Variants in PCNX1 observed in about 807,000 individuals in gnomAD.
PCNX1 encodes the protein pecanex-like protein 1.
Under a neutral mutation model 242.2 loss-of-function variants are expected in PCNX1, and 78 were observed. That is an observed-to-expected ratio of 0.32 (90% CI 0.27 to 0.39). PCNX1 has a LOEUF of 0.39. PCNX1 is among the 10% of genes least tolerant of loss of function. The probability of loss-of-function intolerance (pLI) is 1.00; values close to 1 mark genes in which losing one functional copy is unlikely to be tolerated. For synonymous variants in PCNX1, 1,024 were observed against 1,032.9 expected (o/e 0.99, Z 0.17); for missense variants, 2,581 against 2,856.5 (o/e 0.90, Z 2.20).
chr14:71,050,897 A>G (rs1311715245), intron 23 of PCNX1, 137 bp downstream of exon 23: 27 of 804,598 alleles, frequency 3.4e-5, no homozygotes, highest in Non-Finnish European at 5.1e-5. Flanking sequence ...GGCCGGGTGC[A>G]GTGGCTCACG....
rs1566648979 is a variant in PCNX1 at position 70,977,876 on chromosome 14, CAAAG to C, written c.1542_1545del (p.Glu515ArgfsTer34). 1.2e-6 allele frequency: 2 copies of C among 1,613,944 alleles called. No homozygotes were observed. The highest frequency in any genetic ancestry group is 1.7e-6 in the Non-Finnish European group (2 of 1,180,012). On this transcript the variant is annotated frameshift_variant, in exon 6 of 36. Coordinates refer to ENST00000304743, the MANE Select transcript of PCNX1 (RefSeq NM_014982.3). LOFTEE classifies it high-confidence loss of function. Reference sequence around the variant, plus strand: ...GACCACCTGGGAACACTGCAGAAAACAAAGAAGAGAAGAGTGATAAGTCAGCTGT... The same window carrying C: ...GACCACCTGGGAACACTGCAGAAAACAAGAGAAGAGTGATAAGTCAGCTGT...
intron 12 of PCNX1, among the ~76,000 whole-genome samples, 177 bp downstream of exon 12, chr14:71,019,339 T>C (rs1310757196): frequency 6.6e-6 from 1 of 152,246 alleles, no homozygotes; most frequent in African/African-American, 2.4e-5. Flanking sequence ...AATAATTGTA[T>C]GTAAATTAGC....
chr14:71,047,921 C>G lies in PCNX1; in HGVS notation c.4275C>G (p.Asp1425Glu). 6.2e-7 allele frequency: 1 copy of G among 1,613,290 alleles called. No homozygotes were observed. Among genetic ancestry groups the G allele is most frequent in the East Asian group, 2.2e-5 (1 of 44,776 alleles). The change falls in exon 22 of 36, where the codon GAC (aspartate) becomes GAG (glutamate). Residue 1425 changes from aspartate to glutamate, a missense_variant. Asp to Glu is a conservative substitution (Grantham distance 45, BLOSUM62 2). This residue lies in a region of PCNX1 where 432 missense variants were observed against 443.1 expected (regional missense o/e 0.97). Coordinates refer to ENST00000304743, the MANE Select transcript of PCNX1 (RefSeq NM_014982.3). ...VIFTVLFFKF[D>E]YEAFSETMLL... is the part of the protein sequence containing the mutation. The stretch of plus-strand genomic sequence containing the variant: ...TTACTGTGCTGTTTTTCAAATTTGA[C>G]TATGAAGCTTTTTCAGAGACCATGC...
intron 8 of PCNX1, among the ~76,000 whole-genome samples, chr14:71,001,551 C>T (rs1475410883): frequency 6.6e-6 from 1 of 152,134 alleles, no homozygotes; most frequent in East Asian, 1.9e-4. Context: ...CTGAACAGCT[C>T]TAGGAATTTT....
At chr14:70,938,963 A>T (rs2057122695) in intron 1 of PCNX1, among the ~76,000 whole-genome samples, 1 of 152,106 alleles carries the variant, frequency 6.6e-6, no homozygotes, top group South Asian at 2.1e-4. Flanking sequence ...TTTCTGTGGG[A>T]TAGGTGGTGA....
intron 8 of PCNX1, among the ~76,000 whole-genome samples, chr14:71,005,691 C>T (rs1289875209): frequency 6.6e-6 from 1 of 152,142 alleles, no homozygotes; most frequent in Non-Finnish European, 1.5e-5. Flanking sequence ...TCAGAATTTG[C>T]CTGCTGCACC....
intron 16 of PCNX1, among the ~76,000 whole-genome samples, 197 bp from the exon 17 acceptor site, chr14:71,033,232 C>G (rs1023690123): frequency 6.6e-6 from 1 of 152,160 alleles, no homozygotes; most frequent in Non-Finnish European, 1.5e-5. Context: ...GTACCAAAGA[C>G]ATTTAGTGGC....
chr14:71,053,442 C>A (rs574654751), intron 24 of PCNX1: 4 of 358,528 alleles, frequency 1.1e-5, no homozygotes, highest in South Asian at 8.6e-5. Context: ...CTCAGCCTCC[C>A]GAGTAGCTGG....
intron 6 of PCNX1, among the ~76,000 whole-genome samples, chr14:70,982,453 C>A (rs1338928240): frequency 6.6e-6 from 1 of 152,138 alleles, no homozygotes; most frequent in Non-Finnish European, 1.5e-5. Flanking sequence ...GACAGACTAT[C>A]ATTTTAATAG....
rs141019537 is a variant in PCNX1 at position 71,022,826 on chromosome 14, A to C, written c.3151-374A>C. Among the ~76,000 whole-genome samples the C allele has an allele frequency of 1.6e-4, 24 of 152,236 alleles. No homozygotes were observed. The East Asian group carries it at 4.1e-3, about 26-fold the overall frequency. Reference sequence around the variant, plus strand: ...ACCCCTATTATTGTATATTTCCTGAATGAATGATGTCCTGTGAGAAATACT... The same window carrying C: ...ACCCCTATTATTGTATATTTCCTGACTGAATGATGTCCTGTGAGAAATACT... On this transcript the variant is annotated intron_variant, in intron 12 of 35. Transcript: ENST00000304743.
In PCNX1 at chr14:71,028,762, T is replaced by C. The variant is rs749994348; in HGVS notation, c.3529T>C (p.Leu1177=). ...FICSIVAVAL[L]YGLCYGALKD... is the part of the protein sequence containing the mutation. ...CTGTAGCATTGTTGCAGTAGCCTTA[T>C]TGTATGGATTATGTTATGGGGCTTT... The change falls in exon 16 of 36, where the codon TTG becomes CTG. Residue 1177 remains leucine, a synonymous_variant. Coordinates refer to ENST00000304743, the MANE Select transcript of PCNX1 (RefSeq NM_014982.3). The C allele has an allele frequency of 6.2e-7, 1 of 1,605,686 alleles. No individual in the cohort carries two copies. The highest frequency in any genetic ancestry group is 1.1e-5 in the South Asian group (1 of 90,118).
intron 8 of PCNX1, among the ~76,000 whole-genome samples, chr14:71,005,468 A>G (rs890646523): frequency 5.3e-5 from 8 of 149,928 alleles, no homozygotes; most frequent in African/African-American, 2.0e-4. Flanking sequence ...TGATTGTGCC[A>G]TTGCACTCCA....
At chr14:70,958,420 C>A (rs1315448894) in intron 2 of PCNX1, among the ~76,000 whole-genome samples, 6 of 152,124 alleles carry the variant, frequency 3.9e-5, no homozygotes, top group African/African-American at 1.4e-4. Flanking sequence ...CTTTTGATTG[C>A]AGCTGTCAGA....
At position 70,998,259 on chromosome 14, in the gene PCNX1, A is replaced by G. The variant is rs141334328; in HGVS notation, c.2629+2334A>G. Among the ~76,000 whole-genome samples, 378 of 152,312 alleles carry G rather than the reference A, an allele frequency of 2.5e-3. 1 individual carries two copies. Among genetic ancestry groups the G allele is most frequent in the African/African-American group, 8.8e-3 (365 of 41,560 alleles). On this transcript the variant is annotated intron_variant, in intron 8 of 35. Coordinates refer to ENST00000304743, the MANE Select transcript of PCNX1 (RefSeq NM_014982.3). The stretch of plus-strand genomic sequence containing the variant: ...TCATTTCCTATACTAAACCCCGAGA[A>G]TCCTTATTTCTCTGGCATTTTAAGG...
chr14:71,109,744 G>C, intron 35 of PCNX1, 51 bp from the exon 36 acceptor site: 1 of 1,599,192 alleles, frequency 6.3e-7, no homozygotes, highest in Non-Finnish European at 8.6e-7. Context: ...GAGTTTGTGA[G>C]TATATTCCAG....
At chr14:71,023,171 T>A (rs753954662) in intron 12 of PCNX1, 29 bp from the exon 13 acceptor site, 1 of 1,578,728 alleles carries the variant, frequency 6.3e-7, no homozygotes, top group South Asian at 1.1e-5. Context: ...ACTTCAGGAG[T>A]GTAATTTGTC....
At chr14:71,036,200 A>G (rs773037381) in intron 19 of PCNX1, 43 bp downstream of exon 19, 1 of 1,233,384 alleles carries the variant, frequency 8.1e-7, no homozygotes, top group South Asian at 1.2e-5. Flanking sequence ...TTTGTTTGAG[A>G]CAGGGTCTCA....
At chr14:70,956,451 C>T (rs983062722) in intron 2 of PCNX1, among the ~76,000 whole-genome samples, 2 of 151,894 alleles carry the variant, frequency 1.3e-5, no homozygotes, top group East Asian at 1.9e-4. Flanking sequence ...CCCAGCTACT[C>T]AGGAGGCGGA....
At chr14:71,089,903 A>G (rs908065163) in intron 30 of PCNX1, among the ~76,000 whole-genome samples, 11 of 152,210 alleles carry the variant, frequency 7.2e-5, no homozygotes, top group African/African-American at 2.4e-4. Context: ...TTCTAATAGT[A>G]AATTTGAATA....
Sources: allele counts gnomAD v4.1 joint callset (sites outside exome capture counted in the v4.1 genomes callset), GRCh38; gene constraint gnomAD v4.1.1; regional missense constraint gnomAD v4.1.1; transcripts MANE v1.5; gene names NCBI Gene and HGNC (gene_info 2026-07-23, HGNC 2026-07-21).